HS1BP3: variants seen among roughly 807,000 people sequenced by gnomAD.
HS1BP3 encodes the protein HCLS1 binding protein 3.
Under a neutral mutation model 33.5 loss-of-function variants are expected in HS1BP3, and 32 were observed. That is an observed-to-expected ratio of 0.95 (90% CI 0.72 to 1.28). HS1BP3 has a LOEUF of 1.28. Among genes scored for constraint, HS1BP3 ranks in the 50% most tolerant of loss-of-function variants. The pLI, the probability that HS1BP3 is intolerant of heterozygous loss-of-function variation, is 0.00. For missense variants in HS1BP3, 486 were observed against 502.3 expected, an observed-to-expected ratio of 0.97 and a Z score of 0.31; for synonymous variants, 187 against 209.2, an observed-to-expected ratio of 0.89 and a Z score of 0.92.
the HS1BP3 span, among the ~76,000 whole-genome samples, chr2:20,555,157 T>C: frequency 1.3e-5 from 2 of 152,208 alleles, no homozygotes; most frequent in Admixed American, 6.5e-5. Context: ...CCCCACTTAA[T>C]GTTTCTTGAC....
chr2:20,589,433 T>C (rs540605127), downstream of HS1BP3, among the ~76,000 whole-genome samples: 23 of 152,288 alleles, frequency 1.5e-4, no homozygotes, highest in East Asian at 4.1e-3. Context: ...ATGTTCCCTG[T>C]CACTGAGCTC....
downstream of HS1BP3, among the ~76,000 whole-genome samples, chr2:20,615,434 C>T (rs1694403788): frequency 1.3e-5 from 2 of 152,252 alleles, no homozygotes; most frequent in African/African-American, 4.8e-5. Flanking sequence ...CCTTAGGGTG[C>T]TGAGCAGGGA....
chr2:20,591,805 C>G (rs1693822539), downstream of HS1BP3, among the ~76,000 whole-genome samples: 1 of 152,202 alleles, frequency 6.6e-6, no homozygotes, highest in Admixed American at 6.5e-5. Context: ...CTCAAGCAAT[C>G]TGCCCACCTC....
chr2:20,638,187 A>G (rs938880677), intron 4 of HS1BP3: 69 of 590,292 alleles, frequency 1.2e-4, no homozygotes, highest in African/African-American at 9.8e-4. Flanking sequence ...CGGAGCCACA[A>G]GTGGAGGACA....
chr2:20,622,246 G>A, intron 6 of HS1BP3: 4 of 1,303,662 alleles, frequency 3.1e-6, no homozygotes, highest in Non-Finnish European at 4.0e-6. Context: ...TAGTCACAGG[G>A]CAGACACAAA....
intron 5 of HS1BP3, among the ~76,000 whole-genome samples, chr2:20,581,634 G>A (rs1335124998): frequency 1.3e-5 from 2 of 152,226 alleles, no homozygotes; most frequent in Non-Finnish European, 2.9e-5. Context: ...ACAGGCATGA[G>A]CCACCGCACC....
chr2:20,607,227 C>T (rs1221446078), intron 2 of HS1BP3, among the ~76,000 whole-genome samples: 2 of 151,848 alleles, frequency 1.3e-5, no homozygotes, highest in Admixed American at 1.3e-4. Context: ...GTGGTCTCAG[C>T]TCACTGCAAC....
At chr2:20,580,300 C>A (rs113644205) in intron 5 of HS1BP3, among the ~76,000 whole-genome samples, 8,858 of 152,302 alleles carry the variant, frequency 0.058, 819 homozygotes, top group African/African-American at 0.2. Flanking sequence ...GGGTGGATTG[C>A]CTCAGCTCAG....
At chr2:20,557,485 TC>T (rs758482782), downstream of HS1BP3, among the ~76,000 whole-genome samples, 4 of 152,338 alleles carry the variant, frequency 2.6e-5, no homozygotes, top group East Asian at 7.7e-4. Flanking sequence ...ATAATCCTCT[TC>T]CCATTTTCCA....
At chr2:20,591,121 G>GCCA (rs1693802329), downstream of HS1BP3, 3 of 167,302 alleles carry the variant, frequency 1.8e-5, no homozygotes, top group African/African-American at 7.2e-5. Flanking sequence ...CAGCCAGCCA[G>GCCA]GCCCTGATAG....
At chr2:20,603,528 A>G (rs1444496925) in intron 2 of HS1BP3, among the ~76,000 whole-genome samples, 1 of 152,244 alleles carries the variant, frequency 6.6e-6, no homozygotes, top group African/African-American at 2.4e-5. Flanking sequence ...TAAAATGTCC[A>G]GAATGGGCAA....
intron 5 of HS1BP3, among the ~76,000 whole-genome samples, chr2:20,572,692 T>C (rs938434985): frequency 6.6e-6 from 1 of 152,212 alleles, no homozygotes; most frequent in Non-Finnish European, 1.5e-5. Context: ...GCAGTGATTA[T>C]TGTAATCTTC....
chr2:20,577,227 C>T (rs533463049), intron 5 of HS1BP3, among the ~76,000 whole-genome samples: 12 of 151,938 alleles, frequency 7.9e-5, no homozygotes, highest in Admixed American at 2.6e-4. Context: ...TTAATATTTC[C>T]GTATCGGGGA....
intron 4 of HS1BP3, among the ~76,000 whole-genome samples, chr2:20,632,954 A>T (rs867369784): frequency 4.6e-5 from 7 of 152,388 alleles, no homozygotes; most frequent in African/African-American, 7.2e-5. Flanking sequence ...TGTTGGTTAA[A>T]TACACAAAGA....
chr2:20,600,492 T>C (rs942461544), intron 2 of HS1BP3, among the ~76,000 whole-genome samples: 25 of 152,174 alleles, frequency 1.6e-4, no homozygotes, highest in Non-Finnish European at 5.9e-5. Context: ...AAAGTCACCC[T>C]GGGGCCCAGA....
intron 4 of HS1BP3, among the ~76,000 whole-genome samples, chr2:20,631,553 A>C (rs6531251): frequency 9.2e-6 from 1 of 108,202 alleles, no homozygotes; most frequent in Non-Finnish European, 1.9e-5. Context: ...AAAAAAAAAA[A>C]GGGGCCAGCC....
chr2:20,617,279 C>CGGGGCTG (rs2149288423), downstream of HS1BP3, among the ~76,000 whole-genome samples: 2 of 152,082 alleles, frequency 1.3e-5, no homozygotes, highest in South Asian at 4.2e-4. Context: ...ATGCAGGGCC[C>CGGGGCTG]GGGGCTGAGT....
intron 2 of HS1BP3, among the ~76,000 whole-genome samples, chr2:20,602,215 C>CG (rs1318459109): frequency 1.3e-5 from 2 of 151,134 alleles, no homozygotes; most frequent in African/African-American, 2.4e-5. Flanking sequence ...AGGAGCCATG[C>CG]GGGGGGAATT....
At position 20,606,408 on chromosome 2, in the gene HS1BP3, G is replaced by A. The variant is rs575259985; in HGVS notation, c.179-8143C>T. ...GAGCTCCTGAAGGCTGCCCTGGCCA[G>A]GGAGACTCAAATCTTCAGTCTCTCA... On this transcript the variant is annotated intron_variant, in intron 2 of 3. Transcript: ENST00000415264. 4.6e-5 allele frequency: 22 copies of A among 477,222 alleles called. 1 individual carries two copies. Among genetic ancestry groups the A allele is most frequent in the South Asian group, 3.8e-4 (22 of 58,114 alleles). The allele number at this position is 477,222 out of a possible 1,614,324, so 29.6% of individuals were successfully genotyped here. A position where few individuals can be genotyped will look rare whatever the true frequency, so the allele number is the denominator to read the frequency against.
Sources: allele counts gnomAD v4.1 joint callset (sites outside exome capture counted in the v4.1 genomes callset), GRCh38; gene constraint gnomAD v4.1.1; transcripts MANE v1.5; gene names NCBI Gene and HGNC (gene_info 2026-07-23, HGNC 2026-07-21).